The following METTL24 variants were observed in gnomAD, a reference collection of about 807,000 sequenced individuals.
METTL24 encodes the protein methyltransferase like 24.
A neutral mutation model predicts 32.7 loss-of-function variants in METTL24; 29 were observed. The ratio of observed to expected loss-of-function variants is 0.89; its 90% CI spans 0.66 to 1.21. The LOEUF is 1.21. Among genes scored for constraint, METTL24 ranks in the 50% most tolerant of loss-of-function variants. METTL24 has a pLI of 0.00. For synonymous variants in METTL24, 163 were observed against 179.5 expected (o/e 0.91, Z 0.73); for missense variants, 439 against 468.1 (o/e 0.94, Z 0.57).
intron 4 of METTL24, among the ~76,000 whole-genome samples, chr6:110,280,279 G>A (rs1348720879): frequency 6.6e-6 from 1 of 152,164 alleles, no homozygotes; most frequent in Non-Finnish European, 1.5e-5. Flanking sequence ...AAACAGGCAT[G>A]TGCTGTATGA....
chr6:110,339,875 A>C (rs940462734), intron 1 of METTL24, among the ~76,000 whole-genome samples: 19 of 152,210 alleles, frequency 1.2e-4, no homozygotes, highest in African/African-American at 4.6e-4. Context: ...GTTATTAACT[A>C]ACTTAGAAGA....
chr6:110,292,706 C>T (rs1386549020), intron 4 of METTL24, among the ~76,000 whole-genome samples: 1 of 151,738 alleles, frequency 6.6e-6, no homozygotes, highest in Non-Finnish European at 1.5e-5. Context: ...TTCCTAACTC[C>T]AGAATTTTTT....
chr6:110,324,018 C>G (rs769181078), intron 1 of METTL24, among the ~76,000 whole-genome samples: 2 of 152,094 alleles, frequency 1.3e-5, no homozygotes, highest in Non-Finnish European at 2.9e-5. Flanking sequence ...CCGTGAGATG[C>G]TTTAGTACAA....
intron 1 of METTL24, among the ~76,000 whole-genome samples, chr6:110,334,112 G>T (rs1340872975): frequency 2.0e-5 from 3 of 151,580 alleles, no homozygotes; most frequent in South Asian, 4.2e-4. Context: ...ACAGAGGAAA[G>T]GGGGGTCTTC....
chr6:110,247,436 G>A (rs900841970), intron 4 of METTL24, among the ~76,000 whole-genome samples: 1 of 152,146 alleles, frequency 6.6e-6, no homozygotes, highest in African/African-American at 2.4e-5. Flanking sequence ...GTCTCAAAGA[G>A]GTTTGGAGTT....
chr6:110,286,066 G>A (rs1379594870), intron 4 of METTL24, among the ~76,000 whole-genome samples: 5 of 152,110 alleles, frequency 3.3e-5, no homozygotes, highest in East Asian at 1.9e-4. Flanking sequence ...ACACGTGCTC[G>A]TTTGCTTCCA....
intron 4 of METTL24, among the ~76,000 whole-genome samples, chr6:110,282,838 C>A (rs1384971282): frequency 1.3e-5 from 2 of 152,092 alleles, no homozygotes; most frequent in Admixed American, 6.6e-5. Flanking sequence ...TTGTGGCCAG[C>A]CTCTTTCTTT....
At chr6:110,322,116 T>A (rs2114753854) in intron 2 of METTL24, among the ~76,000 whole-genome samples, 1 of 152,332 alleles carries the variant, frequency 6.6e-6, no homozygotes, top group East Asian at 1.9e-4. Flanking sequence ...AACCTTCTGA[T>A]TAACATGTCA....
chr6:110,309,522 T>A (rs903133836), intron 3 of METTL24, among the ~76,000 whole-genome samples: 1 of 152,178 alleles, frequency 6.6e-6, no homozygotes, highest in African/African-American at 2.4e-5. Context: ...GGGCAATTTA[T>A]AAAAGAAAGA....
intron 4 of METTL24, among the ~76,000 whole-genome samples, chr6:110,276,067 C>T (rs190668447): frequency 6.6e-6 from 1 of 152,172 alleles, no homozygotes; most frequent in Non-Finnish European, 1.5e-5. Context: ...ACCAACATTT[C>T]TCCCTTTCCA....
intron 4 of METTL24, among the ~76,000 whole-genome samples, chr6:110,291,451 A>G (rs935150615): frequency 6.6e-6 from 1 of 152,212 alleles, no homozygotes; most frequent in African/African-American, 2.4e-5. Flanking sequence ...TGAAAAGACT[A>G]TAATTTTTCC....
intron 3 of METTL24, among the ~76,000 whole-genome samples, chr6:110,303,750 T>G (rs1168270175): frequency 6.6e-6 from 1 of 152,208 alleles, no homozygotes; most frequent in African/African-American, 2.4e-5. Context: ...TCAGCAGACT[T>G]AAACATTCCT....
At chr6:110,351,544 G>A (rs1461234497) in intron 1 of METTL24, among the ~76,000 whole-genome samples, 1 of 152,080 alleles carries the variant, frequency 6.6e-6, no homozygotes, top group Non-Finnish European at 1.5e-5. Context: ...CAAGTCCAAG[G>A]GTTGGTTGAA....
intron 3 of METTL24, among the ~76,000 whole-genome samples, chr6:110,310,321 TC>T (rs1771699379): frequency 1.3e-5 from 2 of 152,112 alleles, no homozygotes; most frequent in Non-Finnish European, 2.9e-5. Context: ...TTCAAATCTT[TC>T]CTCTCATGCC....
intron 4 of METTL24, among the ~76,000 whole-genome samples, chr6:110,269,236 T>C (rs1307931611): frequency 6.6e-6 from 1 of 152,244 alleles, no homozygotes; most frequent in Admixed American, 6.5e-5. Context: ...CTTTTGGTTA[T>C]ATTTCTTACA....
intron 3 of METTL24, among the ~76,000 whole-genome samples, chr6:110,306,348 T>A (rs1369754342): frequency 6.6e-6 from 1 of 150,870 alleles, no homozygotes; most frequent in Non-Finnish European, 1.5e-5. Flanking sequence ...AAAATAAAAC[T>A]AAAAAAAAGA....
At chr6:110,295,964 T>C (rs1254856846) in intron 4 of METTL24, among the ~76,000 whole-genome samples, 1 of 152,096 alleles carries the variant, frequency 6.6e-6, no homozygotes, top group Non-Finnish European at 1.5e-5. Context: ...TCAGACCTAC[T>C]TCTCAAAAAA....
chr6:110,292,532 G>C (rs188392366), intron 4 of METTL24, among the ~76,000 whole-genome samples: 93 of 151,372 alleles, frequency 6.1e-4, no homozygotes, highest in Non-Finnish European at 1.2e-4. Context: ...TTTTTTTAAT[G>C]ATTTGTTGAA....
chr6:110,348,476 C>T (rs142498176), intron 1 of METTL24, among the ~76,000 whole-genome samples: 1 of 152,318 alleles, frequency 6.6e-6, no homozygotes, highest in African/African-American at 2.4e-5. Context: ...GGAAAAGGCC[C>T]CCTTCTATGG....
Sources: allele counts gnomAD v4.1 joint callset (sites outside exome capture counted in the v4.1 genomes callset), GRCh38; gene constraint gnomAD v4.1.1; transcripts MANE v1.5; gene names NCBI Gene and HGNC (gene_info 2026-07-23, HGNC 2026-07-21).